Variants in DGKD observed in about 807,000 individuals in gnomAD.
DGKD encodes the protein diacylglycerol kinase delta.
DGKD carries 68 observed loss-of-function variants against 154.4 expected under a neutral mutation model. The ratio of observed to expected loss-of-function variants is 0.44; its 90% CI spans 0.36 to 0.54. The LOEUF (loss-of-function observed/expected upper bound fraction) is 0.54, where lower values mean the gene tolerates loss of function less well. Ranked by LOEUF, DGKD falls within the 20% of genes least tolerant of loss-of-function variation. The pLI is 0.00. For missense variants in DGKD, 1,343 were observed against 1,593.6 expected (o/e 0.84, Z 2.68); for synonymous variants, 693 against 638.0 (o/e 1.09, Z -1.30).
chr2:233,405,694 G>A (rs958931391), intron 3 of DGKD, among the ~76,000 whole-genome samples: 2 of 152,076 alleles, frequency 1.3e-5, no homozygotes, highest in African/African-American at 2.4e-5. Flanking sequence ...ACCAGATGCC[G>A]CACCATGCTC....
At position 233,462,413 on chromosome 2, in the gene DGKD, G is replaced by C; in HGVS notation, c.3047G>C (p.Ser1016Thr). The C allele has an allele frequency of 6.2e-7, 1 of 1,603,918 alleles. No homozygotes were observed. Among genetic ancestry groups the C allele is most frequent in the Non-Finnish European group, 8.5e-7 (1 of 1,171,922 alleles). The change falls in exon 25 of 30, where the codon AGC (serine) becomes ACC (threonine). Residue 1016 changes from serine to threonine, a missense_variant. By Grantham distance (58) the Ser-to-Thr change is moderately conservative. Coordinates refer to ENST00000264057, the MANE Select transcript of DGKD (RefSeq NM_152879.3). ...GAACTGGCCCACGCCGTCAATGCCA[G>C]CTCCAAGTCCATGGACCGTGTGTAT... Reference protein sequence around the residue: ...EQELAHAVNASSKSMDRVYGK... With the variant: ...EQELAHAVNATSKSMDRVYGK...
intron 3 of DGKD, among the ~76,000 whole-genome samples, chr2:233,422,426 C>G (rs1031832793): frequency 2.6e-5 from 4 of 152,246 alleles, no homozygotes; most frequent in Admixed American, 6.5e-5. Flanking sequence ...GTCCATGACA[C>G]TCCTGCGTGT....
intron 6 of DGKD, 85 bp downstream of exon 6, chr2:233,436,009 C>A: frequency 7.4e-7 from 1 of 1,342,422 alleles, no homozygotes; most frequent in South Asian, 1.4e-5. Flanking sequence ...CCTGCCCTCC[C>A]TGCCACTGTT....
intron 1 of DGKD, among the ~76,000 whole-genome samples, chr2:233,377,416 A>G (rs899687463): frequency 1.3e-5 from 2 of 152,200 alleles, no homozygotes; most frequent in South Asian, 4.1e-4. Flanking sequence ...TGTTCTGCAC[A>G]GTTATCTTTT....
chr2:233,466,611 C>T (rs770508142), intron 27 of DGKD, among the ~76,000 whole-genome samples: 1 of 152,170 alleles, frequency 6.6e-6, no homozygotes, highest in Non-Finnish European at 1.5e-5. Context: ...TGTGGCTCCG[C>T]TCTTCACCCT....
chr2:233,355,319 G>T (rs945405925), intron 1 of DGKD, among the ~76,000 whole-genome samples: 1 of 152,224 alleles, frequency 6.6e-6, no homozygotes, highest in African/African-American at 2.4e-5. Flanking sequence ...CTAAATGTTA[G>T]ATAAAGACGC....
chr2:233,388,763 T>TTTTGG, intron 2 of DGKD: 1 of 103,576 alleles, frequency 9.7e-6, no homozygotes, highest in Non-Finnish European at 2.0e-5. Flanking sequence ...TTTTTTTTTT[T>TTTTGG]GAGAGGGAGT....
chr2:233,389,272 A>G (rs1703414597), intron 2 of DGKD, among the ~76,000 whole-genome samples: 1 of 152,214 alleles, frequency 6.6e-6, no homozygotes. Flanking sequence ...TTGTAGGTAG[A>G]TTTAAAGCTA....
At chr2:233,400,596 A>G (rs981050486) in intron 3 of DGKD, among the ~76,000 whole-genome samples, 8 of 152,132 alleles carry the variant, frequency 5.3e-5, no homozygotes, top group African/African-American at 1.7e-4. Context: ...TGGGTGGGAT[A>G]TAGTTTGAGT....
At position 233,457,332 on chromosome 2, in the gene DGKD, T is replaced by G. The variant is rs772680019; in HGVS notation, c.2580+4T>G. The G allele has an allele frequency of 4.5e-6, 7 of 1,555,124 alleles. No homozygotes were observed. Among genetic ancestry groups the G allele is most frequent in the Non-Finnish European group, 6.1e-6 (7 of 1,146,310 alleles). Reference sequence around the variant, plus strand: ...GGGGGGTACCAAGGAAGATGATGTATGTATGGGGTGTGAGCGGGTGGGCCT... The same window carrying G: ...GGGGGGTACCAAGGAAGATGATGTAGGTATGGGGTGTGAGCGGGTGGGCCT... On this transcript the variant is annotated splice_donor_region_variant and intron_variant, in intron 21 of 29. Coordinates refer to ENST00000264057, the MANE Select transcript of DGKD (RefSeq NM_152879.3). The surrounding 1 kb of genome is among the most constrained non-coding windows in gnomAD (Gnocchi z 5.5).
Position 233,451,017 on chromosome 2 carries a change from C to T in DGKD, c.2134C>T (p.Leu712=), listed in dbSNP as rs113452563. Residue 712 remains leucine, a synonymous_variant, in exon 17 of 30, where the codon CTG becomes TTG. Coordinates refer to ENST00000264057, the MANE Select transcript of DGKD (RefSeq NM_152879.3). ...LPPQPGSRDG[L]PALNTKILYP... is the part of the protein sequence containing the mutation. ...GCCCCAGCCGGGAAGCCGGGACGGC[C>T]TGCCTGCGCTCAACACCAAGATCCT... The T allele has an allele frequency of 1.9e-4, 304 of 1,612,108 alleles. No individual in the cohort carries two copies. The African/African-American group carries it at 3.5e-3, about 18-fold the overall frequency.
At chr2:233,368,241 G>T (rs1259362173) in intron 1 of DGKD, among the ~76,000 whole-genome samples, 3 of 152,044 alleles carry the variant, frequency 2.0e-5, no homozygotes, top group Non-Finnish European at 1.5e-5. Context: ...AGGCGCGGTG[G>T]CTCATGCCTG....
chr2:233,400,235 G>A (rs1301621352), intron 3 of DGKD, among the ~76,000 whole-genome samples: 3 of 152,236 alleles, frequency 2.0e-5, no homozygotes, highest in African/African-American at 7.2e-5. Context: ...TCTAGACTAA[G>A]TAGGAAGAGG....
At chr2:233,410,711 T>C (rs115585538) in intron 3 of DGKD, among the ~76,000 whole-genome samples, 1,558 of 152,330 alleles carry the variant, frequency 0.01, 30 homozygotes, top group African/African-American at 0.035. Context: ...TTTTGTGACT[T>C]GAGACATAAT....
chr2:233,443,682 A>G (rs924144516), intron 10 of DGKD, among the ~76,000 whole-genome samples: 4 of 152,188 alleles, frequency 2.6e-5, no homozygotes, highest in Non-Finnish European at 5.9e-5. Context: ...TGGATTTGAC[A>G]GCTCGGGCCG....
intron 27 of DGKD, among the ~76,000 whole-genome samples, chr2:233,465,498 T>A (rs980364688): frequency 1.3e-5 from 2 of 152,146 alleles, no homozygotes; most frequent in African/African-American, 4.8e-5. Context: ...GCACCTGTAA[T>A]CCCAGCACTT....
intron 27 of DGKD, among the ~76,000 whole-genome samples, chr2:233,465,447 T>C (rs2063795221): frequency 1.3e-5 from 2 of 152,088 alleles, no homozygotes; most frequent in African/African-American, 4.8e-5. Flanking sequence ...CTTGGAGAAA[T>C]ACAGAGTCAA....
rs1472235393 is a variant in DGKD, at chr2:233,471,360, G to A, written c.*1900G>A. The A allele has an allele frequency of 2.6e-5, 4 of 152,422 alleles. No homozygotes were observed. Among genetic ancestry groups the A allele is most frequent in the Non-Finnish European group, 4.4e-5 (3 of 68,080 alleles). 9.4% of individuals were successfully genotyped at this position (152,422 alleles called of 1,614,324 possible). A position where few individuals can be genotyped will look rare whatever the true frequency, so the allele number is the denominator to read the frequency against. ...CATTGTAGATGGGGGTTGGCAGAGG[G>A]AGAAATAAGCCAGCCACGGCAGTCG... On this transcript the variant is annotated 3_prime_UTR_variant, in exon 30 of 30. Coordinates refer to ENST00000264057, the MANE Select transcript of DGKD (RefSeq NM_152879.3).
intron 1 of DGKD, among the ~76,000 whole-genome samples, chr2:233,367,747 C>G (rs1174977410): frequency 3.9e-5 from 6 of 152,160 alleles, no homozygotes; most frequent in African/African-American, 1.4e-4. Context: ...CTGTGCTCTA[C>G]CGCATCCCAC....
Sources: gnomAD v4.1 joint callset for allele counts (sites outside exome capture counted in the v4.1 genomes callset) on GRCh38, gnomAD v4.1.1 for gene constraint, Gnocchi (gnomAD v3.1) non-coding constraint, MANE v1.5 for transcripts, NCBI Gene and HGNC (gene_info 2026-07-23, HGNC 2026-07-21) for gene names.